The following PLK5 variants were observed in gnomAD, a reference collection of about 807,000 sequenced individuals.
PLK5 encodes the protein inactive serine/threonine-protein kinase PLK5.
In PLK5, 28 loss-of-function variants were observed where a neutral mutation model predicts 33.7. The observed-to-expected ratio is 0.83, with a 90% CI of 0.62 to 1.14. The LOEUF (loss-of-function observed/expected upper bound fraction) is 1.14, where lower values mean the gene tolerates loss of function less well. Ranked by LOEUF, PLK5 falls within the 50% of genes most tolerant of loss-of-function variation. The pLI, the probability that PLK5 is intolerant of heterozygous loss-of-function variation, is 0.00. For missense variants in PLK5, 492 were observed against 461.5 expected (o/e 1.07, Z -0.61); for synonymous variants, 225 against 202.2 (o/e 1.11, Z -0.96).
chr19:1,528,875 C>T (rs1913838629), intron 8 of PLK5, 23 bp from the exon 9 acceptor site: 7 of 1,491,408 alleles, frequency 4.7e-6, no homozygotes, highest in Non-Finnish European at 4.4e-6. Context: ...TGTGCCCCCT[C>T]CAAGGCCTTG....
intron 13 of PLK5, among the ~76,000 whole-genome samples, chr19:1,534,772 G>A (rs12461625): frequency 0.24 from 36,256 of 148,346 alleles, 5,037 homozygotes; most frequent in East Asian, 0.64. Flanking sequence ...AGCCGAGATC[G>A]CGCCACTGCA....
intron 11 of PLK5, among the ~76,000 whole-genome samples, chr19:1,530,578 C>T (rs565772012): frequency 7.7e-5 from 11 of 143,456 alleles, no homozygotes; most frequent in South Asian, 6.6e-4. Context: ...GGATTACAGA[C>T]GTCGTCAGCC....
chr19:1,528,844 C>T (rs1000182542), intron 8 of PLK5, 54 bp from the exon 9 acceptor site: 54 of 1,349,774 alleles, frequency 4.0e-5, no homozygotes, highest in Non-Finnish European at 5.3e-5. Context: ...TGCCCCCCTA[C>T]CCCCAGCTTG....
rs1393094679 is a variant in PLK5, at chr19:1,528,084, G to A, written c.151G>A (p.Ala51Thr). 9.1e-6 allele frequency: 14 copies of A among 1,535,850 alleles called. No homozygotes were observed. Among genetic ancestry groups the A allele is most frequent in the Non-Finnish European group, 1.2e-5 (14 of 1,146,826 alleles). The change falls in exon 7 of 14, where the codon GCC (alanine) becomes ACC (threonine). Residue 51 changes from alanine to threonine, a missense_variant. Coordinates refer to ENST00000454744, the MANE Select transcript of PLK5 (RefSeq NM_001243079.2). ...LIVHLLAPNP[A>T]ERPSLDHLLQ... ...CGTGCACCTCCTAGCACCCAACCCG[G>A]CCGAGCGGCCCAGCCTGGACCACCT... is the stretch of plus-strand genomic sequence containing the variant.
chr19:1,531,692 G>GCCTGACC (rs1568254299), intron 11 of PLK5, 46 bp from the exon 12 acceptor site: 7 of 1,528,260 alleles, frequency 4.6e-6, no homozygotes, highest in East Asian at 2.5e-5. Context: ...CCTACTATAT[G>GCCTGACC]CCTGACCCCT....
chr19:1,531,700 C>T (rs1202530527), intron 11 of PLK5, 38 bp from the exon 12 acceptor site: 62 of 1,533,146 alleles, frequency 4.0e-5, no homozygotes, highest in Non-Finnish European at 5.1e-5. Flanking sequence ...ATGCCTGACC[C>T]CTGACCCCTG....
At chr19:1,534,544 G>A (rs1398512089) in intron 13 of PLK5, among the ~76,000 whole-genome samples, 4 of 138,532 alleles carry the variant, frequency 2.9e-5, no homozygotes, top group African/African-American at 5.4e-5. Flanking sequence ...GGTGGCTCAC[G>A]CCTGTAATCC....
In PLK5 at chr19:1,535,341, C is replaced by A; in HGVS notation, c.*91C>A. On this transcript the variant is annotated 3_prime_UTR_variant, in exon 14 of 14. Transcript: ENST00000454744. ...CTGTGGCTCCCCCAGAGGGGCTGTCCTGGGGGAGGGCTGGGGGGCACACGG... is the reference window on the plus strand; with the variant it reads ...CTGTGGCTCCCCCAGAGGGGCTGTCATGGGGGAGGGCTGGGGGGCACACGG... The A allele has an allele frequency of 7.2e-7, 1 of 1,395,756 alleles. No homozygotes were observed. Among genetic ancestry groups the A allele is most frequent in the Non-Finnish European group, 9.5e-7 (1 of 1,047,490 alleles). The allele number at this position is 1,395,756 out of a possible 1,614,324, so 86.5% of individuals were successfully genotyped here. A position where few individuals can be genotyped will look rare whatever the true frequency, so the allele number is the denominator to read the frequency against.
intron 13 of PLK5, among the ~76,000 whole-genome samples, chr19:1,534,376 GC>G (rs1914025561): frequency 6.6e-6 from 1 of 151,294 alleles, no homozygotes; most frequent in Non-Finnish European, 1.5e-5. Flanking sequence ...GCGTGGTGGA[GC>G]CTTCCTGTAA....
chr19:1,528,838 C>A, intron 8 of PLK5, 60 bp from the exon 9 acceptor site: 1 of 1,291,816 alleles, frequency 7.7e-7, no homozygotes, highest in Non-Finnish European at 1.0e-6. Context: ...GGCAGGTGCC[C>A]CCCTACCCCC....
chr19:1,526,268 G>A (rs2256644), intron 3 of PLK5, among the ~76,000 whole-genome samples: 45,565 of 151,920 alleles, frequency 0.3, 7,312 homozygotes, highest in East Asian at 0.53. Flanking sequence ...CAGGTGCGGG[G>A]CCGGGGCCGG....
rs1913681788 is a variant in PLK5 at position 1,524,602 on chromosome 19, TGTGTGTGTGTGTG to T, written c.-544+357_-544+369del. On this transcript the variant is annotated intron_variant, in intron 1 of 13. Coordinates refer to ENST00000454744, the MANE Select transcript of PLK5 (RefSeq NM_001243079.2). The surrounding 1 kb of genome is among the most constrained non-coding windows in gnomAD (Gnocchi z 4.5). Reference sequence around the variant, plus strand: ...GTGTCTGGGTGCTGTGCGGTGTTCGTGTGTGTGTGTGTGTGTGTGTGTGTGTGTGTCTGGGTGT... The same window carrying T: ...GTGTCTGGGTGCTGTGCGGTGTTCGTTGTGTGTGTGTGTGTGTCTGGGTGT... Among the ~76,000 whole-genome samples, 2 of 818 alleles carry T rather than the reference TGTGTGTGTGTGTG, an allele frequency of 2.4e-3. No individual in the cohort carries two copies. Among genetic ancestry groups the T allele is most frequent in the African/African-American group, 0.027 (2 of 74 alleles). The allele number at this position is 818 out of a possible 152,430, so 0.5% of individuals were successfully genotyped here.
At chr19:1,534,625 G>C (rs1243982861) in intron 13 of PLK5, among the ~76,000 whole-genome samples, 1 of 145,328 alleles carries the variant, frequency 6.9e-6, no homozygotes, top group South Asian at 2.2e-4. Context: ...CTAACACGGT[G>C]AAACCCCGTC....
chr19:1,528,369 C>T lies in PLK5; in HGVS notation c.269C>T (p.Pro90Leu), dbSNP rs1254609618. 4 of 1,535,652 alleles carry T rather than the reference C, an allele frequency of 2.6e-6. No individual in the cohort carries two copies. The highest frequency in any genetic ancestry group is 3.5e-6 in the Non-Finnish European group (4 of 1,146,788). Residue 90 changes from proline to leucine, a missense_variant, in exon 8 of 14, where the codon CCT (proline) becomes CTT (leucine). Physicochemically the swap from Pro to Leu is moderately conservative, Grantham distance 98. Transcript: ENST00000454744. ...CCCCCCATCTTCGCCATACCCCCGCCTCTGGGCAGGATCTTCCGGAAGGTG... is the reference window on the plus strand; with the variant it reads ...CCCCCCATCTTCGCCATACCCCCGCTTCTGGGCAGGATCTTCCGGAAGGTG... ...HSPPIFAIPP[P>L]LGRIFRKVGQ... is the part of the protein sequence containing the mutation.
Position 1,528,895 on chromosome 19 carries a change from C to T in PLK5, c.329-3C>T, listed in dbSNP as rs1213212687. ...CCCCTCCAAGGCCTTGTGCCTCCCT[C>T]AGGCCCCTTCACGCCTAAAGAGGCC... On this transcript the variant is annotated splice_region_variant and splice_polypyrimidine_tract_variant and intron_variant, in intron 8 of 13. Coordinates refer to ENST00000454744, the MANE Select transcript of PLK5 (RefSeq NM_001243079.2). 14 of 1,505,738 alleles carry T rather than the reference C, an allele frequency of 9.3e-6. No homozygotes were observed. Among genetic ancestry groups the T allele is most frequent in the South Asian group, 2.5e-5 (2 of 79,766 alleles). The allele number at this position is 1,505,738 out of a possible 1,614,324, so 93.3% of individuals were successfully genotyped here.
At chr19:1,527,702 GGGTC>G (rs1386755215) in intron 6 of PLK5, among the ~76,000 whole-genome samples, 10 of 151,842 alleles carry the variant, frequency 6.6e-5, no homozygotes, top group East Asian at 3.9e-4. Flanking sequence ...CCACCAAGCA[GGGTC>G]CATGGGACTG....
chr19:1,535,323 TC>T lies in PLK5; in HGVS notation c.*78del. ...CAGGCTCCATTTCCATTCCTGTGGC[TC>T]CCCCAGAGGGGCTGTCCTGGGGGAG... On this transcript the variant is annotated 3_prime_UTR_variant, in exon 14 of 14. Transcript: ENST00000454744. 3 of 1,452,518 alleles carry T rather than the reference TC, an allele frequency of 2.1e-6. No homozygotes were observed. The highest frequency in any genetic ancestry group is 1.8e-6 in the Non-Finnish European group (2 of 1,092,688). The allele number at this position is 1,452,518 out of a possible 1,614,324, so 90.0% of individuals were successfully genotyped here.
intron 3 of PLK5, among the ~76,000 whole-genome samples, 179 bp from the exon 4 acceptor site, chr19:1,526,307 G>T (rs1331158704): frequency 6.6e-6 from 1 of 151,532 alleles, no homozygotes; most frequent in Non-Finnish European, 1.5e-5. Flanking sequence ...AAAGGTTCGT[G>T]CCCCCCCTCA....
chr19:1,531,594 T>C (rs926905731), intron 11 of PLK5, 144 bp from the exon 12 acceptor site: 1 of 934,910 alleles, frequency 1.1e-6, no homozygotes, highest in Admixed American at 3.5e-5. Context: ...TCTCCTAGAA[T>C]CCACCACCGA....
Sources: allele counts gnomAD v4.1 joint callset (sites outside exome capture counted in the v4.1 genomes callset), GRCh38; gene constraint gnomAD v4.1.1; non-coding constraint Gnocchi (gnomAD v3.1); transcripts MANE v1.5; gene names NCBI Gene and HGNC (gene_info 2026-07-23, HGNC 2026-07-21).